PCID2: variants seen among roughly 807,000 people sequenced by gnomAD.
PCID2 encodes the protein PCI domain-containing protein 2.
Under a neutral mutation model 61.3 loss-of-function variants are expected in PCID2, and 41 were observed. That is an observed-to-expected ratio of 0.67 (90% confidence interval 0.52 to 0.87). PCID2 has a LOEUF of 0.87. Ranked by LOEUF, PCID2 falls within the 40% of genes least tolerant of loss-of-function variation. The pLI is 0.00. For missense variants in PCID2, 392 were observed against 493.4 expected, an observed-to-expected ratio of 0.79 and a Z score of 1.95; for synonymous variants, 187 against 177.8, an observed-to-expected ratio of 1.05 and a Z score of -0.41.
chr13:113,208,630 G>A lies in PCID2; in HGVS notation c.5C>T (p.Ala2Val), dbSNP rs1195978180. The A allele has an allele frequency of 1.2e-6, 2 of 1,607,242 alleles. No individual in the cohort carries two copies. Among genetic ancestry groups the A allele is most frequent in the Non-Finnish European group, 1.7e-6 (2 of 1,177,512 alleles). M[A>V]HITINQYLQQ... ...CAGGTACTGGTTAATGGTAATGTGCGCCATGGGAGCGCCGCCGAACGGAGA... is the reference window on the plus strand; with the variant it reads ...CAGGTACTGGTTAATGGTAATGTGCACCATGGGAGCGCCGCCGAACGGAGA... Residue 2 changes from alanine to valine, a missense_variant, in exon 1 of 14, where the codon GCG becomes GTG. Physicochemically the swap from Ala to Val is moderately conservative, Grantham distance 64. Coordinates refer to ENST00000337344, the MANE Select transcript of PCID2 (RefSeq NM_001127202.4).
intron 1 of PCID2, among the ~76,000 whole-genome samples, chr13:113,207,612 A>G (rs2039990581): frequency 1.3e-5 from 2 of 152,180 alleles, no homozygotes; most frequent in South Asian, 4.1e-4. Context: ...ACATACATCC[A>G]TTTCTTCGTG....
At chr13:113,174,978 G>A (rs376848988), downstream of PCID2, among the ~76,000 whole-genome samples, 46 of 152,302 alleles carry the variant, frequency 3.0e-4, no homozygotes, top group East Asian at 8.7e-3. Flanking sequence ...CCCCACGTGT[G>A]GAGAAGTGAT....
At chr13:113,165,126 A>G in the PCID2 span, 1 of 1,610,402 alleles carries the variant, frequency 6.2e-7, no homozygotes, top group Non-Finnish European at 8.5e-7. Context: ...GGCAGGTAAC[A>G]GAGCGCTCTC....
At chr13:113,180,379 G>A in intron 10 of PCID2, 148 bp from the exon 11 acceptor site, 1 of 644,972 alleles carries the variant, frequency 1.6e-6, no homozygotes, top group East Asian at 2.7e-5. Flanking sequence ...TAGTACACTA[G>A]GAAAACAACA....
At chr13:113,203,558 T>C (rs1405055435) in intron 1 of PCID2, among the ~76,000 whole-genome samples, 1 of 152,196 alleles carries the variant, frequency 6.6e-6, no homozygotes, top group African/African-American at 2.4e-5. Context: ...CAACACTGCA[T>C]TTGCCAATCA....
In PCID2 at chr13:113,196,174, CACTT is replaced by C. The variant is rs1168632963; in HGVS notation, c.308+3_308+6del. The C allele has an allele frequency of 1.2e-6, 2 of 1,604,366 alleles. No individual in the cohort carries two copies. The highest frequency in any genetic ancestry group is 1.7e-5 in the Admixed American group (1 of 59,968). On this transcript the variant is annotated splice_donor_5th_base_variant and intron_variant, in intron 5 of 13. Coordinates refer to ENST00000337344, the MANE Select transcript of PCID2 (RefSeq NM_001127202.4). ...TTGCTAATTCAGCTGTTTCTGTTCA[CACTT>C]ACCAGTTTTCTTCTTTGTGGGCCTG...
At chr13:113,198,424 G>A (rs971948704) in intron 2 of PCID2, among the ~76,000 whole-genome samples, 160 bp from the exon 3 acceptor site, 3 of 152,222 alleles carry the variant, frequency 2.0e-5, no homozygotes, top group African/African-American at 7.2e-5. Flanking sequence ...TTCAGGCCGT[G>A]AGCACAGTGG....
At chr13:113,172,230 G>A in the PCID2 span, 108 of 1,368,452 alleles carry the variant, frequency 7.9e-5, 1 homozygote, top group Non-Finnish European at 6.6e-5. Flanking sequence ...CAGACCACCC[G>A]CTTGGCCCAC....
intron 1 of PCID2, among the ~76,000 whole-genome samples, chr13:113,201,395 C>T (rs1366547384): frequency 6.6e-6 from 1 of 152,194 alleles, no homozygotes; most frequent in Non-Finnish European, 1.5e-5. Flanking sequence ...TACCATACCA[C>T]ACCAGCTGAC....
At chr13:113,178,545 G>A (rs1239843225) in intron 13 of PCID2, 4 of 425,704 alleles carry the variant, frequency 9.4e-6, no homozygotes, top group East Asian at 5.1e-5. Context: ...ACGTACAGAC[G>A]CTCTTCCCTT....
At chr13:113,192,520 G>A (rs1397646171) in intron 6 of PCID2, among the ~76,000 whole-genome samples, 1 of 152,136 alleles carries the variant, frequency 6.6e-6, no homozygotes, top group Non-Finnish European at 1.5e-5. Flanking sequence ...TCTCCAAAAC[G>A]AATAGAACAA....
rs774441473 is a variant in PCID2 at position 113,180,018 on chromosome 13, G to A, written c.885C>T (p.His295=). 53 of 1,613,990 alleles carry A rather than the reference G, an allele frequency of 3.3e-5. No individual in the cohort carries two copies. The highest frequency in any genetic ancestry group is 1.5e-4 in the Admixed American group (9 of 60,010). ...AGGCCTCGTGCTTCGCCAGCGCCTCGTGCAGCAGCAGCAGGTTGCCCTCGC... is the reference window on the plus strand; with the variant it reads ...AGGCCTCGTGCTTCGCCAGCGCCTCATGCAGCAGCAGCAGGTTGCCCTCGC... The part of the protein sequence containing the change: ...AVSEGNLLLL[H]EALAKHEAFF... The change falls in exon 12 of 14, where the codon CAC becomes CAT. Residue 295 remains histidine, a synonymous_variant. Coordinates refer to ENST00000337344, the MANE Select transcript of PCID2 (RefSeq NM_001127202.4).
the PCID2 span, among the ~76,000 whole-genome samples, chr13:113,170,856 G>A: frequency 3.2e-4 from 48 of 151,680 alleles, no homozygotes; most frequent in Middle Eastern, 3.4e-3. Context: ...AATGGGGCTC[G>A]AATCCCCCAG....
the PCID2 span, chr13:113,170,453 G>A: frequency 1.2e-6 from 2 of 1,609,964 alleles, no homozygotes; most frequent in Non-Finnish European, 1.7e-6. Context: ...TTCTGTGGTG[G>A]TGTTATAATA....
chr13:113,170,300 GGGGGGTGGGGGT>G, the PCID2 span: 39 of 664,526 alleles, frequency 5.9e-5, no homozygotes, highest in Non-Finnish European at 9.8e-5. Flanking sequence ...TGCCTTTGGC[GGGGGGTGGGGGT>G]GGGGGTGGGG....
chr13:113,206,892 T>C (rs1008598446), intron 1 of PCID2, among the ~76,000 whole-genome samples: 6 of 152,214 alleles, frequency 3.9e-5, no homozygotes, highest in Middle Eastern at 3.2e-3. Flanking sequence ...GGGTCACCCC[T>C]TCCCTTCTCA....
At chr13:113,180,519 T>TATAAGC (rs1424037086) in intron 10 of PCID2, among the ~76,000 whole-genome samples, 1 of 152,204 alleles carries the variant, frequency 6.6e-6, no homozygotes. Context: ...GAAATGCTAG[T>TATAAGC]ATAAGCATGA....
chr13:113,201,153 A>G (rs529548151), intron 1 of PCID2, among the ~76,000 whole-genome samples: 4 of 152,352 alleles, frequency 2.6e-5, no homozygotes, highest in African/African-American at 9.6e-5. Flanking sequence ...ATATAAAATA[A>G]AAGGAAAATG....
At chr13:113,188,033 G>C (rs1204726780) in intron 7 of PCID2, 1 of 152,258 alleles carries the variant, frequency 6.6e-6, no homozygotes, top group African/African-American at 2.4e-5. Context: ...GAAGGCCCAC[G>C]CCCTGACGCA....
Sources: gnomAD v4.1 joint callset for allele counts (sites outside exome capture counted in the v4.1 genomes callset) on GRCh38, gnomAD v4.1.1 for gene constraint, MANE v1.5 for transcripts, NCBI Gene and HGNC (gene_info 2026-07-23, HGNC 2026-07-21) for gene names.